The following CDYL2 variants were observed in gnomAD, a reference collection of about 807,000 sequenced individuals.
CDYL2 encodes chromodomain Y-like protein 2.
A neutral mutation model predicts 49.4 loss-of-function variants in CDYL2; 23 were observed. The ratio of observed to expected loss-of-function variants is 0.47; its 90% CI spans 0.34 to 0.66. The LOEUF (loss-of-function observed/expected upper bound fraction) is 0.66. CDYL2 is among the 30% of genes least tolerant of loss of function. CDYL2 has a pLI of 0.01. For missense variants in CDYL2, 678 were observed against 656.4 expected, an observed-to-expected ratio of 1.03 and a Z score of -0.36; for synonymous variants, 360 against 268.8, an observed-to-expected ratio of 1.34 and a Z score of -3.32.
chr16:80,749,008 G>A (rs1214662808), intron 1 of CDYL2, among the ~76,000 whole-genome samples: 1 of 151,562 alleles, frequency 6.6e-6, no homozygotes, highest in African/African-American at 2.4e-5. Context: ...CAAAATATAA[G>A]GTTAAAGCTT....
rs567454125 is a variant in CDYL2, at chr16:80,707,354, G to A, written c.25-22225C>T. 1.6e-4 allele frequency among the ~76,000 whole-genome samples: 25 copies of A among 152,132 alleles called. 1 individual carries two copies. Among genetic ancestry groups the A allele is most frequent in the Admixed American group, 3.3e-4 (5 of 15,282 alleles). Reference sequence around the variant, plus strand: ...GCTGGCGTGTGTCTGTCCTATACTTGGGAGGCTAATGCAGGAGGATCACTT... The same window carrying A: ...GCTGGCGTGTGTCTGTCCTATACTTAGGAGGCTAATGCAGGAGGATCACTT... On this transcript the variant is annotated intron_variant, in intron 1 of 6. Coordinates refer to ENST00000570137, the MANE Select transcript of CDYL2 (RefSeq NM_152342.4).
At chr16:80,741,158 C>T (rs28451896) in intron 1 of CDYL2, among the ~76,000 whole-genome samples, 117,896 of 148,992 alleles carry the variant, frequency 0.79, 48,993 homozygotes, top group Non-Finnish European at 0.93. Flanking sequence ...CATATATATA[C>T]ATAATATATA....
intron 1 of CDYL2, among the ~76,000 whole-genome samples, chr16:80,791,478 C>T (rs375013343): frequency 2.0e-5 from 3 of 152,178 alleles, no homozygotes; most frequent in African/African-American, 7.2e-5. Flanking sequence ...TAAGATACTA[C>T]ATATTCAGCT....
chr16:80,654,621 C>T (rs1041314846), intron 2 of CDYL2, among the ~76,000 whole-genome samples: 4 of 152,148 alleles, frequency 2.6e-5, no homozygotes, highest in Non-Finnish European at 4.4e-5. Flanking sequence ...TCATAAATGG[C>T]ATTGGGAATC....
intron 1 of CDYL2, among the ~76,000 whole-genome samples, chr16:80,774,734 T>C (rs1306169208): frequency 6.6e-6 from 1 of 152,054 alleles, no homozygotes; most frequent in Non-Finnish European, 1.5e-5. Context: ...GGGGCAAATC[T>C]GAAGAGTATT....
chr16:80,786,437 T>C (rs1252824906), intron 1 of CDYL2, among the ~76,000 whole-genome samples: 1 of 152,188 alleles, frequency 6.6e-6, no homozygotes, highest in African/African-American at 2.4e-5. Flanking sequence ...CCAGTTAGAA[T>C]GTTGATCATT....
chr16:80,653,642 C>T (rs377694657), intron 2 of CDYL2, among the ~76,000 whole-genome samples: 2 of 152,106 alleles, frequency 1.3e-5, no homozygotes, highest in African/African-American at 2.4e-5. Flanking sequence ...GAGATAAGCA[C>T]ATCATGGAGA....
At chr16:80,749,958 C>T (rs1057486972) in intron 1 of CDYL2, among the ~76,000 whole-genome samples, 33 of 151,968 alleles carry the variant, frequency 2.2e-4, no homozygotes, top group African/African-American at 8.0e-4. Context: ...AGCTGGAAAC[C>T]ATCATTCTCA....
intron 1 of CDYL2, among the ~76,000 whole-genome samples, chr16:80,764,377 T>C (rs75362351): frequency 0.098 from 14,908 of 152,126 alleles, 809 homozygotes; most frequent in African/African-American, 0.13. Flanking sequence ...ATGTGTCTTA[T>C]TCTACGGAGG....
chr16:80,665,569 A>C (rs1909228273), intron 2 of CDYL2, among the ~76,000 whole-genome samples: 1 of 151,378 alleles, frequency 6.6e-6, no homozygotes, highest in South Asian at 2.1e-4. Context: ...TAATAATATG[A>C]GGAGTTACTG....
chr16:80,753,108 C>G (rs1906191812), intron 1 of CDYL2, among the ~76,000 whole-genome samples: 1 of 152,028 alleles, frequency 6.6e-6, no homozygotes, highest in Non-Finnish European at 1.5e-5. Flanking sequence ...TCAAAGTTTC[C>G]TAAGGTCTGA....
At chr16:80,656,007 T>C (rs149823146) in intron 2 of CDYL2, among the ~76,000 whole-genome samples, 1 of 152,324 alleles carries the variant, frequency 6.6e-6, no homozygotes, top group African/African-American at 2.4e-5. Context: ...GCCCTACATT[T>C]GCTAATGGGA....
At chr16:80,606,844 G>A (rs1215286128) in intron 6 of CDYL2, among the ~76,000 whole-genome samples, 1 of 150,434 alleles carries the variant, frequency 6.6e-6, no homozygotes, top group Non-Finnish European at 1.5e-5. Flanking sequence ...CTTTCACTTG[G>A]TTGTCACTTC....
At chr16:80,685,999 A>G (rs1597173610) in intron 1 of CDYL2, among the ~76,000 whole-genome samples, 1 of 152,226 alleles carries the variant, frequency 6.6e-6, no homozygotes, top group Non-Finnish European at 1.5e-5. Context: ...CTGAGTACCT[A>G]CTATGCACCT....
chr16:80,758,029 G>T (rs181622049), intron 1 of CDYL2, among the ~76,000 whole-genome samples: 84 of 151,990 alleles, frequency 5.5e-4, no homozygotes, highest in African/African-American at 2.0e-3. Context: ...ATAAAATAAG[G>T]CATTCCAATA....
At chr16:80,619,589 T>C (rs1253006367) in intron 4 of CDYL2, among the ~76,000 whole-genome samples, 1 of 152,160 alleles carries the variant, frequency 6.6e-6, no homozygotes, top group African/African-American at 2.4e-5. Context: ...GGTCCCCCTT[T>C]GATACATGGA....
At chr16:80,672,419 G>C (rs980706162) in intron 2 of CDYL2, among the ~76,000 whole-genome samples, 3 of 149,652 alleles carry the variant, frequency 2.0e-5, no homozygotes, top group Non-Finnish European at 4.4e-5. Context: ...TAATGATACA[G>C]TCAGATATCA....
intron 3 of CDYL2, among the ~76,000 whole-genome samples, chr16:80,631,042 G>C (rs1907538449): frequency 6.6e-6 from 1 of 152,108 alleles, no homozygotes; most frequent in Non-Finnish European, 1.5e-5. Context: ...AGAAAAAGGG[G>C]TCTCGGAGTT....
At chr16:80,772,342 AAAATATACAG>A (rs1426608585) in intron 1 of CDYL2, among the ~76,000 whole-genome samples, 8 of 152,350 alleles carry the variant, frequency 5.3e-5, no homozygotes, top group Admixed American at 2.6e-4. Context: ...AATGGGGCTT[AAAATATACAG>A]AAATAAAACA....
Sources: allele counts gnomAD v4.1 joint callset (sites outside exome capture counted in the v4.1 genomes callset), GRCh38; gene constraint gnomAD v4.1.1; transcripts MANE v1.5; gene names NCBI Gene and HGNC (gene_info 2026-07-23, HGNC 2026-07-21).